NOL10: variants seen among roughly 807,000 people sequenced by gnomAD.
The protein encoded by NOL10 is H_NH0074G24.1.
NOL10 carries 58 observed loss-of-function variants against 103.5 expected under a neutral mutation model. The observed-to-expected ratio is 0.56, with a 90% CI of 0.45 to 0.70. The LOEUF (loss-of-function observed/expected upper bound fraction) is 0.70, where lower values mean the gene tolerates loss of function less well. Ranked by LOEUF, NOL10 falls within the 30% of genes least tolerant of loss-of-function variation. The pLI is 0.00. For synonymous variants in NOL10, 287 were observed against 282.5 expected, an observed-to-expected ratio of 1.02 and a Z score of -0.16; for missense variants, 763 against 807.3, an observed-to-expected ratio of 0.95 and a Z score of 0.67.
intron 13 of NOL10, 36 bp downstream of exon 13, chr2:10,644,284 C>T: frequency 2.2e-6 from 3 of 1,374,324 alleles, no homozygotes; most frequent in Non-Finnish European, 2.9e-6. Flanking sequence ...CTTTGCTTGT[C>T]CTATTTTTAC....
intron 13 of NOL10, among the ~76,000 whole-genome samples, chr2:10,609,291 T>G (rs371704635): frequency 4.6e-5 from 7 of 151,890 alleles, no homozygotes; most frequent in Admixed American, 3.9e-4. Flanking sequence ...TTAAGTCTAT[T>G]TGAAAGGACT....
chr2:10,649,251 T>C (rs191484893), intron 12 of NOL10, among the ~76,000 whole-genome samples: 5 of 151,550 alleles, frequency 3.3e-5, no homozygotes, highest in Non-Finnish European at 5.9e-5. Context: ...ATAACAAACA[T>C]TGAGGAGAGA....
intron 13 of NOL10, among the ~76,000 whole-genome samples, chr2:10,619,810 C>T (rs1394854646): frequency 1.3e-5 from 2 of 152,148 alleles, no homozygotes; most frequent in African/African-American, 4.8e-5. Flanking sequence ...CCTTGCACCT[C>T]GGCTACAAAC....
rs1334491706 is a variant in NOL10, at chr2:10,654,542, T to A, written c.912A>T (p.Lys304Asn). ...GCTCTGGCTCCAAGGAAGTAAATAT[T>A]TTTCCCTAAAAATAGCAAGCAAAAA... ...IVKMWNKNSG[K>N]IFTSLEPEHD... Residue 304 changes from lysine to asparagine, a missense_variant, in exon 12 of 21, where the codon AAA becomes AAT. Transcript: ENST00000381685. 12 of 1,590,730 alleles carry A rather than the reference T, an allele frequency of 7.5e-6. No homozygotes were observed. The highest frequency in any genetic ancestry group is 9.4e-6 in the Non-Finnish European group (11 of 1,173,210).
In NOL10 at chr2:10,662,387, G is replaced by A. The variant is rs182634920; in HGVS notation, c.677+572C>T. On this transcript the variant is annotated intron_variant, in intron 9 of 20. Coordinates refer to ENST00000381685, the MANE Select transcript of NOL10 (RefSeq NM_024894.4). ...GAGCAATGTATGCTCTGGGCATGCAGGGAGACATTTAACCTGAGGTTATGT... is the reference window on the plus strand; with the variant it reads ...GAGCAATGTATGCTCTGGGCATGCAAGGAGACATTTAACCTGAGGTTATGT... Among the ~76,000 whole-genome samples the A allele has an allele frequency of 9.5e-4, 144 of 152,308 alleles. 1 individual carries two copies. The highest frequency in any genetic ancestry group is 4.0e-4 in the Non-Finnish European group (27 of 68,030).
At chr2:10,674,709 C>A (rs906941355) in intron 4 of NOL10, among the ~76,000 whole-genome samples, 1 of 152,020 alleles carries the variant, frequency 6.6e-6, no homozygotes, top group Non-Finnish European at 1.5e-5. Flanking sequence ...TGGTAAAGTG[C>A]GCCTGTAATC....
At chr2:10,681,905 G>T in intron 3 of NOL10, 66 bp downstream of exon 3, 2 of 574,426 alleles carry the variant, frequency 3.5e-6, no homozygotes, top group Non-Finnish European at 5.5e-6. Context: ...AAAAAAAAAA[G>T]ACCTTTCCCA....
intron 13 of NOL10, among the ~76,000 whole-genome samples, chr2:10,641,462 C>T (rs758258588): frequency 6.6e-5 from 10 of 152,100 alleles, no homozygotes; most frequent in Non-Finnish European, 1.3e-4. Context: ...GAGGGAATAG[C>T]TGGTTTTTAT....
chr2:10,686,609 C>T (rs1682228134), intron 1 of NOL10, among the ~76,000 whole-genome samples: 1 of 152,146 alleles, frequency 6.6e-6, no homozygotes, highest in African/African-American at 2.4e-5. Flanking sequence ...GCTTAGAAGT[C>T]AACTGCAATA....
At chr2:10,594,981 G>A (rs1675592882) in intron 17 of NOL10, among the ~76,000 whole-genome samples, 1 of 152,004 alleles carries the variant, frequency 6.6e-6, no homozygotes, top group African/African-American at 2.4e-5. Flanking sequence ...TGGGTAACAG[G>A]CTCTATCTCA....
At chr2:10,592,422 A>G (rs1163886029) in intron 17 of NOL10, among the ~76,000 whole-genome samples, 1 of 152,208 alleles carries the variant, frequency 6.6e-6, no homozygotes, top group East Asian at 1.9e-4. Context: ...CCTGTGGCAC[A>G]GGGAGAAGAG....
chr2:10,589,361 C>G (rs1675283178), intron 18 of NOL10, 71 bp from the exon 19 acceptor site: 1 of 1,573,402 alleles, frequency 6.4e-7, no homozygotes, highest in Non-Finnish European at 8.6e-7. Flanking sequence ...TTCTCTGAAG[C>G]AGCACTGGCC....
intron 13 of NOL10, among the ~76,000 whole-genome samples, chr2:10,615,749 A>C (rs1676800334): frequency 6.6e-6 from 1 of 152,218 alleles, no homozygotes; most frequent in Non-Finnish European, 1.5e-5. Context: ...AAGAACTTCA[A>C]GGCTCTAAGC....
chr2:10,576,491 G>A (rs546912360), intron 20 of NOL10, among the ~76,000 whole-genome samples: 1 of 152,254 alleles, frequency 6.6e-6, no homozygotes, highest in South Asian at 2.1e-4. Context: ...ATAGCAAAAT[G>A]TGTTATATAC....
chr2:10,647,257 C>A (rs1301562951), intron 12 of NOL10, among the ~76,000 whole-genome samples: 1 of 152,110 alleles, frequency 6.6e-6, no homozygotes, highest in Admixed American at 6.6e-5. Context: ...ATGCACAAAT[C>A]AGTACTCATC....
chr2:10,618,556 T>C (rs1676962167), intron 13 of NOL10, among the ~76,000 whole-genome samples: 1 of 152,254 alleles, frequency 6.6e-6, no homozygotes, highest in African/African-American at 2.4e-5. Context: ...TTTGCAGCAC[T>C]TTATCTTCAT....
chr2:10,595,231 GT>G (rs1476937764), intron 17 of NOL10, among the ~76,000 whole-genome samples: 4 of 151,700 alleles, frequency 2.6e-5, no homozygotes, highest in Admixed American at 1.3e-4. Flanking sequence ...CTGAGAAGAG[GT>G]GAAAATGGAG....
At chr2:10,652,667 C>A (rs10929689) in intron 12 of NOL10, among the ~76,000 whole-genome samples, 16 of 151,916 alleles carry the variant, frequency 1.1e-4, no homozygotes, top group East Asian at 5.8e-4. Flanking sequence ...GCTCCTCCCC[C>A]TCATTCTCCC....
At chr2:10,638,299 T>TG (rs1160055780) in intron 13 of NOL10, among the ~76,000 whole-genome samples, 11 of 97,232 alleles carry the variant, frequency 1.1e-4, no homozygotes, top group African/African-American at 4.0e-4. Flanking sequence ...AAAAATAACG[T>TG]AACGTGACGT....
Sources: gnomAD v4.1 joint callset for allele counts (sites outside exome capture counted in the v4.1 genomes callset) on GRCh38, gnomAD v4.1.1 for gene constraint, MANE v1.5 for transcripts, NCBI Gene and HGNC (gene_info 2026-07-23, HGNC 2026-07-21) for gene names.